The following DIAPH3 variants were observed in gnomAD, a reference collection of about 807,000 sequenced individuals.
DIAPH3 encodes the protein protein diaphanous homolog 3.
Under a neutral mutation model 144.3 loss-of-function variants are expected in DIAPH3, and 117 were observed. The observed-to-expected ratio is 0.81, with a 90% confidence interval of 0.70 to 0.95. DIAPH3 has a LOEUF of 0.95. DIAPH3 is among the 40% of genes least tolerant of loss of function. DIAPH3 has a pLI of 0.00. For synonymous variants in DIAPH3, 519 were observed against 488.9 expected (o/e 1.06, Z -0.81); for missense variants, 1,421 against 1,412.7 (o/e 1.01, Z -0.09).
chr13:60,067,875 G>A (rs2057033852), intron 4 of DIAPH3, among the ~76,000 whole-genome samples: 1 of 151,962 alleles, frequency 6.6e-6, no homozygotes, highest in South Asian at 2.1e-4. Context: ...ATACGCTTCT[G>A]TATTTTAATC....
At chr13:59,961,366 G>A (rs1162569908) in intron 17 of DIAPH3, among the ~76,000 whole-genome samples, 4 of 152,102 alleles carry the variant, frequency 2.6e-5, no homozygotes, top group Admixed American at 6.5e-5. Context: ...AAGAAACTAC[G>A]CTGTAAAAGC....
At chr13:59,922,053 C>G (rs2047544552) in intron 18 of DIAPH3, among the ~76,000 whole-genome samples, 1 of 151,984 alleles carries the variant, frequency 6.6e-6, no homozygotes, top group African/African-American at 2.4e-5. Context: ...AAATGTGTCA[C>G]AACACAATAA....
At chr13:59,757,374 T>C (rs542233495) in intron 27 of DIAPH3, among the ~76,000 whole-genome samples, 42 of 148,822 alleles carry the variant, frequency 2.8e-4, no homozygotes, top group African/African-American at 1.0e-3. Context: ...CTAGGAAAGC[T>C]AGTTATTATG....
At chr13:59,893,411 C>T (rs547111402) in intron 20 of DIAPH3, among the ~76,000 whole-genome samples, 1 of 152,240 alleles carries the variant, frequency 6.6e-6, no homozygotes, top group African/African-American at 2.4e-5. Flanking sequence ...ATCCTCTGAA[C>T]TTGCAAGTGG....
intron 25 of DIAPH3, among the ~76,000 whole-genome samples, chr13:59,781,920 C>T (rs1445960407): frequency 6.6e-6 from 1 of 152,030 alleles, no homozygotes; most frequent in Non-Finnish European, 1.5e-5. Flanking sequence ...TCCCTTCCAC[C>T]ACATGAGGAC....
chr13:60,037,924 G>A (rs927456318), intron 5 of DIAPH3, among the ~76,000 whole-genome samples: 4 of 151,992 alleles, frequency 2.6e-5, no homozygotes, highest in Non-Finnish European at 5.9e-5. Context: ...CATCAAGATG[G>A]ATAAATCTAT....
chr13:59,929,812 C>A (rs1488787720), intron 17 of DIAPH3, among the ~76,000 whole-genome samples: 1 of 150,742 alleles, frequency 6.6e-6, no homozygotes, highest in African/African-American at 2.5e-5. Context: ...CTCAAGTGAT[C>A]CACCGGCCTC....
chr13:59,782,460 G>A (rs1307018812), intron 25 of DIAPH3, among the ~76,000 whole-genome samples: 1 of 152,198 alleles, frequency 6.6e-6, no homozygotes, highest in Non-Finnish European at 1.5e-5. Context: ...TGGGAAGTGG[G>A]AGGAGGTTGA....
At chr13:60,104,884 A>C (rs2058365731) in intron 3 of DIAPH3, among the ~76,000 whole-genome samples, 1 of 152,092 alleles carries the variant, frequency 6.6e-6, no homozygotes, top group Admixed American at 6.5e-5. Flanking sequence ...TCACGAGGTC[A>C]GGAGATCGAG....
chr13:59,891,433 C>T (rs1412190373), intron 20 of DIAPH3, among the ~76,000 whole-genome samples: 2 of 149,090 alleles, frequency 1.3e-5, no homozygotes, highest in African/African-American at 4.9e-5. Context: ...CCAAAAAAAC[C>T]CCAAAAATTA....
intron 10 of DIAPH3, 60 bp downstream of exon 10, chr13:59,992,413 T>TC: frequency 7.4e-7 from 1 of 1,350,372 alleles, no homozygotes; most frequent in Non-Finnish European, 1.0e-6. Flanking sequence ...TATCTAAATT[T>TC]CCCCCTACTC....
intron 25 of DIAPH3, among the ~76,000 whole-genome samples, chr13:59,804,178 G>A (rs1252624023): frequency 2.6e-5 from 4 of 152,040 alleles, no homozygotes; most frequent in South Asian, 2.1e-4. Flanking sequence ...TGTGACAATC[G>A]CCCCAGAAGT....
chr13:59,993,938 G>A (rs1268019047), intron 9 of DIAPH3, among the ~76,000 whole-genome samples: 1 of 151,616 alleles, frequency 6.6e-6, no homozygotes, highest in Non-Finnish European at 1.5e-5. Context: ...TCAGTCACCT[G>A]GCTTCTAGAA....
intron 27 of DIAPH3, among the ~76,000 whole-genome samples, chr13:59,682,868 T>G (rs2033016542): frequency 6.6e-6 from 1 of 152,218 alleles, no homozygotes; most frequent in Admixed American, 6.5e-5. Context: ...TGCCCCTGCC[T>G]CATACTCAAG....
At chr13:59,868,704 C>G (rs1212965537) in intron 21 of DIAPH3, among the ~76,000 whole-genome samples, 1 of 152,106 alleles carries the variant, frequency 6.6e-6, no homozygotes, top group East Asian at 1.9e-4. Flanking sequence ...AATTCTGTGT[C>G]TCACCTATTC....
chr13:59,800,112 A>G (rs1055924454), intron 25 of DIAPH3, among the ~76,000 whole-genome samples: 1 of 152,204 alleles, frequency 6.6e-6, no homozygotes, highest in Non-Finnish European at 1.5e-5. Context: ...AAAAACATGC[A>G]CACAAGTGCG....
At chr13:59,909,633 T>C in intron 20 of DIAPH3, among the ~76,000 whole-genome samples, 1 of 152,210 alleles carries the variant, frequency 6.6e-6, no homozygotes, top group East Asian at 1.9e-4. Flanking sequence ...AAGAGTATAT[T>C]GTCATAATCA....
intron 12 of DIAPH3, among the ~76,000 whole-genome samples, chr13:59,988,087 A>T (rs562656868): frequency 6.6e-6 from 1 of 151,990 alleles, no homozygotes; most frequent in African/African-American, 2.4e-5. Context: ...CTAATAAACC[A>T]TCTATTACAG....
rs927118843 is a variant in DIAPH3 at position 59,665,586 on chromosome 13, T to A, written c.*998A>T. ...AAAAGAGAGACAAAAGAAAGCATTT[T>A]TTTTCATTTAGTGCAAGTAGCAAGT... On this transcript the variant is annotated 3_prime_UTR_variant, in exon 28 of 28. Transcript: ENST00000400324. 2.6e-5 allele frequency: 4 copies of A among 152,664 alleles called. No homozygotes were observed. The highest frequency in any genetic ancestry group is 5.9e-5 in the Non-Finnish European group (4 of 68,044). The allele number at this position is 152,664 out of a possible 1,614,324, so 9.5% of individuals were successfully genotyped here. A position where few individuals can be genotyped will look rare whatever the true frequency, so the allele number is the denominator to read the frequency against.
Sources: gnomAD v4.1 joint callset for allele counts (sites outside exome capture counted in the v4.1 genomes callset) on GRCh38, gnomAD v4.1.1 for gene constraint, MANE v1.5 for transcripts, NCBI Gene and HGNC (gene_info 2026-07-23, HGNC 2026-07-21) for gene names.